PLCL2: variants seen among roughly 807,000 people sequenced by gnomAD.
PLCL2 encodes phospholipase C like 2.
A neutral mutation model predicts 79.6 loss-of-function variants in PLCL2; 4 were observed. The ratio of observed to expected loss-of-function variants is 0.05; its 90% CI spans 0.02 to 0.11. PLCL2 has a LOEUF of 0.11. Ranked by LOEUF, PLCL2 falls within the 10% of genes least tolerant of loss-of-function variation. PLCL2 has a pLI of 1.00. For synonymous variants in PLCL2, 484 were observed against 457.7 expected, an observed-to-expected ratio of 1.06 and a Z score of -0.73; for missense variants, 895 against 1,291.0, an observed-to-expected ratio of 0.69 and a Z score of 4.70.
Position 16,896,197 on chromosome 3 carries a change from C to T in PLCL2, c.327+10831C>T, listed in dbSNP as rs56655652. 1.1e-3 allele frequency among the ~76,000 whole-genome samples: 163 copies of T among 152,266 alleles called. 1 individual carries two copies. The highest frequency in any genetic ancestry group is 3.6e-3 in the African/African-American group (148 of 41,546). On this transcript the variant is annotated intron_variant, in intron 1 of 5. Transcript: ENST00000615277. Reference sequence around the variant, plus strand: ...GCACTATTTAGGGCCGTGCCTTTTACAGTTTTTTGCTGTCTGTGGATCAGC... The same window carrying T: ...GCACTATTTAGGGCCGTGCCTTTTATAGTTTTTTGCTGTCTGTGGATCAGC...
At chr3:17,014,569 A>G (rs1405312847) in intron 2 of PLCL2, 139 bp from the exon 3 acceptor site, 2 of 698,470 alleles carry the variant, frequency 2.9e-6, no homozygotes, top group Non-Finnish European at 5.0e-6. Context: ...TAAAACAATC[A>G]TTAGCCAATT....
At position 16,886,381 on chromosome 3, in the gene PLCL2, T is replaced by C. The variant is rs992872316; in HGVS notation, c.327+1015T>C. ...AGGCTGCACCCACCCTTCCTGTGGCTGATAACTGGTGGGAGGGCAGAACGT... is the reference window on the plus strand; with the variant it reads ...AGGCTGCACCCACCCTTCCTGTGGCCGATAACTGGTGGGAGGGCAGAACGT... On this transcript the variant is annotated intron_variant, in intron 1 of 5. Transcript: ENST00000615277. This position sits in a 1 kb window ranked among gnomAD's most constrained non-coding sequence, Gnocchi z 4.2. Among the ~76,000 whole-genome samples the C allele has an allele frequency of 2.0e-5, 3 of 152,218 alleles. No homozygotes were observed. The highest frequency in any genetic ancestry group is 4.4e-5 in the Non-Finnish European group (3 of 68,038).
intron 1 of PLCL2, among the ~76,000 whole-genome samples, chr3:16,963,346 A>G (rs1334930774): frequency 3.3e-5 from 5 of 152,154 alleles, no homozygotes; most frequent in Non-Finnish European, 7.4e-5. Flanking sequence ...TGAAAAATGT[A>G]GCAAGCCATC....
intron 3 of PLCL2, 22 bp downstream of exon 3, chr3:17,014,933 T>C: frequency 6.3e-7 from 1 of 1,587,414 alleles, no homozygotes; most frequent in African/African-American, 1.3e-5. Flanking sequence ...TTTGTCCGTT[T>C]ACATAGCCTG....
At chr3:16,984,386 A>T (rs2064028159) in intron 1 of PLCL2, among the ~76,000 whole-genome samples, 1 of 152,190 alleles carries the variant, frequency 6.6e-6, no homozygotes, top group South Asian at 2.1e-4. Flanking sequence ...TCAGAGAAAT[A>T]AGGTTTTATT....
At chr3:16,901,033 T>C (rs1263311043) in intron 1 of PLCL2, among the ~76,000 whole-genome samples, 1 of 152,218 alleles carries the variant, frequency 6.6e-6, no homozygotes, top group Non-Finnish European at 1.5e-5. Context: ...AACTGAAGTT[T>C]AACGCCTTGA....
chr3:17,004,637 A>G (rs1364432715), intron 1 of PLCL2, among the ~76,000 whole-genome samples: 4 of 152,014 alleles, frequency 2.6e-5, no homozygotes, highest in Non-Finnish European at 5.9e-5. Context: ...TCAAAGTTTT[A>G]AAGATGTGTG....
chr3:17,058,074 A>G (rs1263895395), intron 4 of PLCL2, among the ~76,000 whole-genome samples: 1 of 152,178 alleles, frequency 6.6e-6, no homozygotes, highest in Non-Finnish European at 1.5e-5. Context: ...AGCCCTGATC[A>G]CACAGAGGAG....
intron 1 of PLCL2, among the ~76,000 whole-genome samples, chr3:16,970,038 TTATA>T (rs71266500): frequency 1.5e-4 from 20 of 135,902 alleles, no homozygotes; most frequent in Admixed American, 4.5e-4. Context: ...TGGCTTTGAT[TTATA>T]TATATATATA....
chr3:17,072,667 A>G (rs1202249145), intron 5 of PLCL2, among the ~76,000 whole-genome samples: 5 of 144,952 alleles, frequency 3.4e-5, no homozygotes, highest in African/African-American at 1.4e-4. Context: ...AGACTGTCTC[A>G]AAGAAAAAAA....
At chr3:16,957,975 T>C (rs948823564) in intron 1 of PLCL2, among the ~76,000 whole-genome samples, 2 of 152,190 alleles carry the variant, frequency 1.3e-5, no homozygotes, top group Admixed American at 6.5e-5. Context: ...GTCTTGACTC[T>C]TTATCCAATT....
chr3:16,957,670 G>GTT (rs1285273877), intron 1 of PLCL2, among the ~76,000 whole-genome samples: 1 of 152,048 alleles, frequency 6.6e-6, no homozygotes, highest in Non-Finnish European at 1.5e-5. Context: ...GTCTCAGTCT[G>GTT]TTTGTAGGTC....
At chr3:16,960,104 CA>C (rs1019244081) in intron 1 of PLCL2, among the ~76,000 whole-genome samples, 8 of 149,302 alleles carry the variant, frequency 5.4e-5, no homozygotes, top group East Asian at 2.0e-4. Flanking sequence ...GACTCCATCT[CA>C]AAAAAAAAAG....
chr3:17,023,645 C>G (rs2064480053), intron 3 of PLCL2, among the ~76,000 whole-genome samples: 1 of 152,140 alleles, frequency 6.6e-6, no homozygotes, highest in Non-Finnish European at 1.5e-5. Context: ...CTTTTATTCC[C>G]AGTCTCGGGT....
chr3:17,026,877 TAAATA>T (rs1391998119), intron 3 of PLCL2, among the ~76,000 whole-genome samples: 2 of 151,396 alleles, frequency 1.3e-5, no homozygotes, highest in East Asian at 3.9e-4. Context: ...AAAAAATAAA[TAAATA>T]AATAGATCGT....
Position 16,923,115 on chromosome 3 carries a change from T to C in PLCL2, c.327+37749T>C, listed in dbSNP as rs1433980084. The stretch of plus-strand genomic sequence containing the variant: ...CACAACCACCAACCAGCCATTAAAA[T>C]GTGATTTGTGTTGGAATACCTGACC... On this transcript the variant is annotated intron_variant, in intron 1 of 5. Transcript: ENST00000615277. Among the ~76,000 whole-genome samples the C allele has an allele frequency of 3.3e-5, 5 of 152,294 alleles. No homozygotes were observed. In the East Asian group the frequency reaches 7.7e-4, roughly 23 times the overall value.
At chr3:17,021,769 G>A (rs186031475) in intron 3 of PLCL2, among the ~76,000 whole-genome samples, 7 of 152,236 alleles carry the variant, frequency 4.6e-5, no homozygotes, top group African/African-American at 1.7e-4. Context: ...TAAACTCTCT[G>A]GGAGGATGAC....
intron 1 of PLCL2, among the ~76,000 whole-genome samples, chr3:16,993,572 A>C (rs1161584241): frequency 6.6e-6 from 1 of 152,182 alleles, no homozygotes. Flanking sequence ...TGGAATAAGG[A>C]TAGCATCCTG....
intron 1 of PLCL2, among the ~76,000 whole-genome samples, chr3:16,904,313 A>AAAAAAAAAAAAAAAAAAAAAAAAAC (rs1696700858): frequency 6.6e-6 from 1 of 152,162 alleles, no homozygotes; most frequent in African/African-American, 2.4e-5. Flanking sequence ...TGACAAAAAA[A>AAAAAAAAAAAAAAAAAAAAAAAAAC]AAAAGCAAAC....
Sources: allele counts gnomAD v4.1 joint callset (sites outside exome capture counted in the v4.1 genomes callset), GRCh38; gene constraint gnomAD v4.1.1; non-coding constraint Gnocchi (gnomAD v3.1); transcripts MANE v1.5; gene names NCBI Gene and HGNC (gene_info 2026-07-23, HGNC 2026-07-21).